CRYAB: variants seen among roughly 807,000 people sequenced by gnomAD.
CRYAB encodes the protein alpha-crystallin B chain.
In CRYAB, 9 loss-of-function variants were observed where a neutral mutation model predicts 12.7. That is an observed-to-expected ratio of 0.71 (90% CI 0.43 to 1.24). CRYAB has a LOEUF of 1.24. Ranked by LOEUF, CRYAB falls within the 50% of genes most tolerant of loss-of-function variation. The pLI is 0.00. For synonymous variants in CRYAB, 93 were observed against 86.8 expected (o/e 1.07, Z -0.40); for missense variants, 183 against 226.6 (o/e 0.81, Z 1.24).
chr11:111,917,289 A>G (rs1965611082), upstream of CRYAB, among the ~76,000 whole-genome samples: 1 of 152,228 alleles, frequency 6.6e-6, no homozygotes, highest in Non-Finnish European at 1.5e-5. Flanking sequence ...ATAGGAAATC[A>G]TTAATGGCTT....
At chr11:111,917,675 A>G (rs1370260925), upstream of CRYAB, among the ~76,000 whole-genome samples, 1 of 151,012 alleles carries the variant, frequency 6.6e-6, no homozygotes, top group East Asian at 1.9e-4. Context: ...CCTTGTCTCT[A>G]AAAAGATTTT....
Position 111,910,441 on chromosome 11 carries a change from C to T in CRYAB, c.210G>A (p.Leu70=). 6.2e-7 allele frequency: 1 copy of T among 1,614,168 alleles called. No homozygotes were observed. Among genetic ancestry groups the T allele is most frequent in the South Asian group, 1.1e-5 (1 of 91,086 alleles). The stretch of plus-strand genomic sequence containing the variant: ...GGTTGACAGAGAACCTGTCCTTCTC[C>T]AGGCGCATCTAGAAATAGCAAGGTA... ...WFDTGLSEMR[L]EKDRFSVNLD... is the part of the protein sequence containing the mutation. The change falls in exon 2 of 3, where the codon CTG becomes CTA. Residue 70 remains leucine (L), a synonymous_variant. Transcript: ENST00000650687.
At chr11:111,913,438 T>C (rs1555165842), upstream of CRYAB, 1 of 1,602,774 alleles carries the variant, frequency 6.2e-7, no homozygotes, top group East Asian at 2.2e-5. Context: ...CTCTGCCCTT[T>C]AGGCCTCCTG....
chr11:111,919,548 C>T (rs587720457), intron 1 of CRYAB, among the ~76,000 whole-genome samples: 3 of 152,278 alleles, frequency 2.0e-5, no homozygotes, highest in East Asian at 1.9e-4. Flanking sequence ...AATATTGAAC[C>T]GGCATTGTTT....
chr11:111,913,110 G>A, upstream of CRYAB: 1 of 612,914 alleles, frequency 1.6e-6, no homozygotes, highest in Non-Finnish European at 2.9e-6. Flanking sequence ...CTGACCTCAA[G>A]ACACACTTGG....
In CRYAB at chr11:111,922,620, C is replaced by T. The variant is rs587766261; in HGVS notation, c.-199+1083G>A. ...AAAAAGTAAAATTTTCCATGATGTT[C>T]GGTGTTCTTCCAACATTCTTTATGA... is the stretch of plus-strand genomic sequence containing the variant. On this transcript the variant is annotated intron_variant, in intron 1 of 3. Coordinates refer to the CRYAB transcript ENST00000527950. Among the ~76,000 whole-genome samples the T allele has an allele frequency of 4.8e-3, 727 of 152,244 alleles. 6 individuals are homozygous for T. The highest frequency in any genetic ancestry group is 0.017 in the African/African-American group (697 of 41,540).
At chr11:111,913,593 T>C (rs1965542395), upstream of CRYAB, 6 of 1,614,042 alleles carry the variant, frequency 3.7e-6, no homozygotes, top group Admixed American at 1.7e-5. Flanking sequence ...TGTGAGCCAC[T>C]TTACCCCAGA....
At chr11:111,912,224 G>A (rs1236423047), upstream of CRYAB, 2 of 193,928 alleles carry the variant, frequency 1.0e-5, no homozygotes, top group Admixed American at 5.3e-5. Flanking sequence ...CTCTTTGTGA[G>A]TCCTTGGAAG....
At chr11:111,918,998 G>A (rs1555166299) in intron 1 of CRYAB, 1 of 1,614,218 alleles carries the variant, frequency 6.2e-7, no homozygotes, top group Admixed American at 1.7e-5. Flanking sequence ...TGCTGCGGAG[G>A]AAGCTGGTGA....
In CRYAB at chr11:111,920,634, C is replaced by T. The variant is rs368842653; in HGVS notation, c.-199+3069G>A. Among the ~76,000 whole-genome samples the T allele has an allele frequency of 5.3e-5, 8 of 151,808 alleles. No individual in the cohort carries two copies. The South Asian group carries it at 8.3e-4, about 16-fold the overall frequency. ...TAAAAATTAGCTAGGCGTGGTGGTG[C>T]GTGCTTGTAATCCCAGGTACTTGGG... On this transcript the variant is annotated intron_variant, in intron 1 of 3. Coordinates refer to the CRYAB transcript ENST00000527950.
chr11:111,911,071 A>C (rs1965438619), intron 1 of CRYAB, among the ~76,000 whole-genome samples: 1 of 152,196 alleles, frequency 6.6e-6, no homozygotes. Context: ...AGAAACCCAG[A>C]AAATCATAGA....
intron 1 of CRYAB, among the ~76,000 whole-genome samples, chr11:111,923,304 G>A (rs1213753010): frequency 6.6e-6 from 1 of 152,328 alleles, no homozygotes; most frequent in East Asian, 1.9e-4. Flanking sequence ...GCAAGCTGTA[G>A]CAAAACCAAA....
In CRYAB at chr11:111,911,750, A is replaced by G. The variant is rs782163088; in HGVS notation, c.-26T>C. ...GGTGGCTAGGTGAGTGTGAGGGGTC[A>G]GCTGGCTGGTCAGCTCCTTCAGCTG... On this transcript the variant is annotated 5_prime_UTR_variant, in exon 1 of 3. Coordinates refer to ENST00000650687, the MANE Select transcript of CRYAB (RefSeq NM_001289808.2). 4.6e-5 allele frequency: 70 copies of G among 1,526,548 alleles called. 1 individual carries two copies. The South Asian group carries it at 7.8e-4, about 17-fold the overall frequency. 94.6% of individuals were successfully genotyped at this position (1,526,548 alleles called of 1,614,324 possible).
At chr11:111,909,066 C>G in intron 2 of CRYAB, 99 bp from the exon 3 acceptor site, 1 of 1,190,692 alleles carries the variant, frequency 8.4e-7, no homozygotes, top group South Asian at 1.3e-5. Context: ...TAGGTGAGAC[C>G]AAATGCCATG....
At chr11:111,914,000 G>A (rs1178973647), upstream of CRYAB, 3 of 993,488 alleles carry the variant, frequency 3.0e-6, no homozygotes, top group Non-Finnish European at 4.4e-6. Context: ...GAAGGGAAAG[G>A]TGCATGGTCC....
At position 111,910,307 on chromosome 11, in the gene CRYAB, C is replaced by CA. The variant is rs782303631; in HGVS notation, c.324+19dup. ...ATGCACTGAATGAATGAGCAGAAAA[C>CA]AAAAAAACAAGCTACATACCTGGCG... On this transcript the variant is annotated intron_variant, in intron 2 of 2. Transcript: ENST00000650687. 8.6e-5 allele frequency: 139 copies of CA among 1,613,802 alleles called. 1 individual carries two copies. Among genetic ancestry groups the CA allele is most frequent in the Non-Finnish European group, 1.1e-4 (128 of 1,179,962 alleles).
chr11:111,919,088 G>C (rs1965645147), intron 1 of CRYAB: 2 of 1,503,994 alleles, frequency 1.3e-6, no homozygotes, highest in Non-Finnish European at 1.8e-6. Flanking sequence ...CCTGGAGATA[G>C]TTGTCTGCCA....
intron 1 of CRYAB, among the ~76,000 whole-genome samples, chr11:111,920,631 G>A (rs1277095599): frequency 2.0e-5 from 3 of 151,962 alleles, no homozygotes; most frequent in Non-Finnish European, 2.9e-5. Flanking sequence ...AGGCGTGGTG[G>A]TGCGTGCTTG....
intron 1 of CRYAB, chr11:111,910,664 T>C (rs1965424044): frequency 3.2e-6 from 2 of 626,842 alleles, no homozygotes; most frequent in South Asian, 3.8e-5. Flanking sequence ...ACCCAAACTT[T>C]ATTTACAGGG....
Sources: gnomAD v4.1 joint callset for allele counts (sites outside exome capture counted in the v4.1 genomes callset) on GRCh38, gnomAD v4.1.1 for gene constraint, MANE v1.5 for transcripts, NCBI Gene and HGNC (gene_info 2026-07-23, HGNC 2026-07-21) for gene names.